The following SLC45A2 variants were observed in gnomAD, a reference collection of about 807,000 sequenced individuals.
SLC45A2 encodes membrane-associated transporter protein.
Under a neutral mutation model 45.5 loss-of-function variants are expected in SLC45A2, and 36 were observed. The ratio of observed to expected loss-of-function variants is 0.79; its 90% CI spans 0.61 to 1.04. The LOEUF (loss-of-function observed/expected upper bound fraction) is 1.04, where lower values mean the gene tolerates loss of function less well. Among genes scored for constraint, SLC45A2 ranks in the 50% least tolerant of loss-of-function variants. The pLI is 0.00. For synonymous variants in SLC45A2, 306 were observed against 269.3 expected, an observed-to-expected ratio of 1.14 and a Z score of -1.33; for missense variants, 719 against 671.0, an observed-to-expected ratio of 1.07 and a Z score of -0.79.
At chr5:33,958,875 C>T (rs938565523) in intron 3 of SLC45A2, among the ~76,000 whole-genome samples, 1 of 152,126 alleles carries the variant, frequency 6.6e-6, no homozygotes, top group African/African-American at 2.4e-5. Context: ...ATGGGACGAC[C>T]CCTGTCCTAT....
rs753955219 is a variant in SLC45A2, at chr5:33,951,651, A to T, written c.1059T>A (p.Ser353Arg). ...GQIVYRGDPY[S>R]AHNSTEFLIY... ...TGAGAAACTCTGTGGAGTTGTGTGC[A>T]CTATAGGGATCCCCGCGGTACACAA... Residue 353 changes from serine to arginine, a missense_variant, in exon 5 of 7, where the codon AGT becomes AGA. Physicochemically the swap from Ser to Arg is moderately radical, Grantham distance 110. Coordinates refer to ENST00000296589, the MANE Select transcript of SLC45A2 (RefSeq NM_016180.5). 1.9e-5 allele frequency: 31 copies of T among 1,614,174 alleles called. No homozygotes were observed. Among genetic ancestry groups the T allele is most frequent in the Non-Finnish European group, 2.5e-5 (30 of 1,180,024 alleles).
At chr5:33,961,441 C>T (rs1053896141) in intron 3 of SLC45A2, among the ~76,000 whole-genome samples, 5 of 152,132 alleles carry the variant, frequency 3.3e-5, no homozygotes, top group African/African-American at 1.2e-4. Flanking sequence ...CTTATACTTT[C>T]TACAAATATG....
chr5:33,959,169 A>G (rs1752369752), intron 3 of SLC45A2, among the ~76,000 whole-genome samples: 1 of 151,980 alleles, frequency 6.6e-6, no homozygotes, highest in African/African-American at 2.4e-5. Context: ...CATTTTTTGT[A>G]TATTTCCTTT....
intron 6 of SLC45A2, chr5:33,946,188 T>G: frequency 1.0e-6 from 1 of 985,460 alleles, no homozygotes; most frequent in Non-Finnish European, 1.2e-6. Context: ...AGGGACAGTT[T>G]TTTATGATGA....
intron 6 of SLC45A2, 53 bp downstream of exon 6, chr5:33,947,110 G>A: frequency 6.2e-7 from 1 of 1,614,148 alleles, no homozygotes; most frequent in Non-Finnish European, 8.5e-7. Context: ...ATCCTCCCCA[G>A]CCTTCAGATG....
chr5:33,982,844 C>T (rs1753119182), intron 1 of SLC45A2, among the ~76,000 whole-genome samples: 1 of 152,168 alleles, frequency 6.6e-6, no homozygotes, highest in African/African-American at 2.4e-5. Flanking sequence ...GCAAGCAATT[C>T]CAATTCTATT....
At chr5:33,953,345 C>T (rs1317563551) in intron 4 of SLC45A2, among the ~76,000 whole-genome samples, 3 of 135,972 alleles carry the variant, frequency 2.2e-5, no homozygotes, top group Non-Finnish European at 4.8e-5. Context: ...TCCACATCCT[C>T]TCCAGCACCT....
rs1356322171 is a variant in SLC45A2 at position 33,947,253 on chromosome 5, G to A, written c.1278C>T (p.Val426=). The A allele has an allele frequency of 6.2e-7, 1 of 1,614,196 alleles. No homozygotes were observed. The highest frequency in any genetic ancestry group is 1.7e-5 in the Admixed American group (1 of 60,016). The stretch of plus-strand genomic sequence containing the variant: ...ACATTACACCAAACAGGCTGCACAG[G>A]ACCAGGGTGGAGTAGACATTCGGGA... ...GLFPNVYSTL[V]LCSLFGVMSS... is the part of the protein sequence containing the mutation. The change falls in exon 6 of 7, where the codon GTC becomes GTT. Residue 426 remains valine (V), a synonymous_variant. Transcript: ENST00000296589.
At chr5:33,967,813 C>T (rs1049075675) in intron 2 of SLC45A2, among the ~76,000 whole-genome samples, 19 of 63,672 alleles carry the variant, frequency 3.0e-4, no homozygotes, top group Admixed American at 2.3e-3. Flanking sequence ...CACACACACA[C>T]ACACACACAC....
At chr5:33,951,499 G>A (rs1216269101) in intron 5 of SLC45A2, 55 bp downstream of exon 5, 1 of 1,612,598 alleles carries the variant, frequency 6.2e-7, no homozygotes, top group Non-Finnish European at 8.5e-7. Context: ...TCAAATCCAA[G>A]TTGTGCTAGA....
intron 5 of SLC45A2, among the ~76,000 whole-genome samples, chr5:33,949,551 G>A (rs958887425): frequency 6.6e-6 from 1 of 152,172 alleles, no homozygotes; most frequent in African/African-American, 2.4e-5. Flanking sequence ...GTATGAACTA[G>A]GCCAAACTGT....
chr5:33,972,885 G>A (rs1752828210), intron 2 of SLC45A2, among the ~76,000 whole-genome samples: 1 of 152,186 alleles, frequency 6.6e-6, no homozygotes, highest in Non-Finnish European at 1.5e-5. Flanking sequence ...TTTGCTAGGT[G>A]AGCATTTTGT....
intron 4 of SLC45A2, among the ~76,000 whole-genome samples, chr5:33,952,692 A>T (rs866297044): frequency 3.4e-4 from 42 of 123,818 alleles, no homozygotes; most frequent in Admixed American, 1.4e-3. Flanking sequence ...TTTTTTTTTA[A>T]TTTTTTTTTT....
chr5:33,966,118 A>C (rs1227270494), intron 2 of SLC45A2, among the ~76,000 whole-genome samples: 1 of 152,214 alleles, frequency 6.6e-6, no homozygotes, highest in Non-Finnish European at 1.5e-5. Context: ...TGATATGTGA[A>C]ATAAATCCTC....
chr5:33,977,003 T>C (rs1752947533), intron 2 of SLC45A2, among the ~76,000 whole-genome samples: 1 of 152,206 alleles, frequency 6.6e-6, no homozygotes, highest in Non-Finnish European at 1.5e-5. Context: ...ACTGTATTTG[T>C]CGACAAGGCC....
At chr5:33,967,196 C>T (rs1422688490) in intron 2 of SLC45A2, among the ~76,000 whole-genome samples, 1 of 152,160 alleles carries the variant, frequency 6.6e-6, no homozygotes, top group Non-Finnish European at 1.5e-5. Context: ...CATTTTAGGC[C>T]CAGTGATTAG....
chr5:33,945,636 G>A lies in SLC45A2; in HGVS notation c.1369-764C>T, dbSNP rs576158042. Among the ~76,000 whole-genome samples, 4 of 152,012 alleles carry A rather than the reference G, an allele frequency of 2.6e-5. No individual in the cohort carries two copies. In the South Asian group the frequency reaches 8.3e-4, roughly 32 times the overall value. ...CCCCATGGTAACAATTATAATACTA[G>A]CTATCACATTTTGAGTCTTTGTCGG... On this transcript the variant is annotated intron_variant, in intron 6 of 6. Coordinates refer to ENST00000296589, the MANE Select transcript of SLC45A2 (RefSeq NM_016180.5).
intron 2 of SLC45A2, among the ~76,000 whole-genome samples, chr5:33,972,942 G>A (rs1465452418): frequency 6.6e-6 from 1 of 152,156 alleles, no homozygotes; most frequent in Non-Finnish European, 1.5e-5. Context: ...AAGCATTTTT[G>A]TGACTTATTT....
intron 2 of SLC45A2, among the ~76,000 whole-genome samples, chr5:33,977,750 T>A (rs1461450169): frequency 1.3e-5 from 2 of 152,166 alleles, no homozygotes; most frequent in Non-Finnish European, 2.9e-5. Flanking sequence ...GGAAACATGA[T>A]GAAAAATTAT....
Sources: allele counts gnomAD v4.1 joint callset (sites outside exome capture counted in the v4.1 genomes callset), GRCh38; gene constraint gnomAD v4.1.1; transcripts MANE v1.5; gene names NCBI Gene and HGNC (gene_info 2026-07-23, HGNC 2026-07-21).